CDK14: variants seen among roughly 807,000 people sequenced by gnomAD.
The protein encoded by CDK14 is cyclin dependent kinase 14.
CDK14 carries 34 observed loss-of-function variants against 60.7 expected under a neutral mutation model. The observed-to-expected ratio is 0.56, with a 90% CI of 0.43 to 0.75. CDK14 has a LOEUF of 0.75. CDK14 is among the 30% of genes least tolerant of loss of function. The pLI is 0.00. For synonymous variants in CDK14, 197 were observed against 203.7 expected (o/e 0.97, Z 0.28); for missense variants, 482 against 564.1 (o/e 0.85, Z 1.47).
Position 90,807,237 on chromosome 7 carries a change from C to T in CDK14, c.544+16585C>T, listed in dbSNP as rs566760682. On this transcript the variant is annotated intron_variant, in intron 5 of 14. Coordinates refer to ENST00000380050, the MANE Select transcript of CDK14 (RefSeq NM_001287135.2). ...CCACCCAGTAGGGGCAGACTGACACCTCACATGGCCAGTTACTCCTCTGAG... is the reference window on the plus strand; with the variant it reads ...CCACCCAGTAGGGGCAGACTGACACTTCACATGGCCAGTTACTCCTCTGAG... Among the ~76,000 whole-genome samples, 30 of 152,190 alleles carry T rather than the reference C, an allele frequency of 2.0e-4. 1 individual carries two copies. The highest frequency in any genetic ancestry group is 3.7e-4 in the Non-Finnish European group (25 of 68,034).
At chr7:90,599,765 T>C (rs529748792) in intron 1 of CDK14, among the ~76,000 whole-genome samples, 1 of 152,384 alleles carries the variant, frequency 6.6e-6, no homozygotes, top group South Asian at 2.1e-4. Context: ...TTTATTTTGC[T>C]GCTTTAGTAT....
intron 12 of CDK14, among the ~76,000 whole-genome samples, chr7:91,083,449 A>C (rs972615442): frequency 5.3e-5 from 8 of 152,176 alleles, no homozygotes; most frequent in Non-Finnish European, 1.0e-4. Flanking sequence ...ATATGCAGAC[A>C]GTCCAATCCA....
At chr7:90,835,731 C>T (rs2117125976) in intron 5 of CDK14, among the ~76,000 whole-genome samples, 1 of 152,192 alleles carries the variant, frequency 6.6e-6, no homozygotes, top group Non-Finnish European at 1.5e-5. Context: ...TATATTAAGT[C>T]CTGCATCACT....
chr7:90,635,850 G>A (rs17868560), intron 2 of CDK14, among the ~76,000 whole-genome samples: 45,321 of 149,648 alleles, frequency 0.3, 7,632 homozygotes, highest in East Asian at 0.67. Context: ...GGTCCTTCAC[G>A]TCCCTTGTAA....
At chr7:91,122,671 T>C (rs1450918413) in intron 14 of CDK14, among the ~76,000 whole-genome samples, 1 of 152,246 alleles carries the variant, frequency 6.6e-6, no homozygotes, top group Non-Finnish European at 1.5e-5. Flanking sequence ...GGGCTTCTGC[T>C]GACTTGTTTC....
intron 14 of CDK14, among the ~76,000 whole-genome samples, chr7:91,125,458 A>G (rs1385446187): frequency 6.6e-6 from 1 of 152,182 alleles, no homozygotes; most frequent in Non-Finnish European, 1.5e-5. Flanking sequence ...AAGAGCATCA[A>G]ATTGGTTGTG....
At chr7:90,911,115 AG>A (rs1190842913) in intron 7 of CDK14, among the ~76,000 whole-genome samples, 19 of 152,302 alleles carry the variant, frequency 1.2e-4, no homozygotes, top group Middle Eastern at 6.8e-3. Context: ...AAATAGGGAT[AG>A]TAACATCTAC....
chr7:90,863,910 C>G (rs113480258), intron 6 of CDK14, among the ~76,000 whole-genome samples: 87 of 152,196 alleles, frequency 5.7e-4, no homozygotes, highest in African/African-American at 1.9e-3. Context: ...TTGTGTAGCA[C>G]TACTTCAGCA....
chr7:90,647,812 C>T lies in CDK14; in HGVS notation c.123+43563C>T, dbSNP rs1021643429. On this transcript the variant is annotated intron_variant, in intron 2 of 14. Transcript: ENST00000380050. ...TCGAGGCTGCAGTGAGCTATGGTTG[C>T]ACCACTGCACTCCAGCCTGGACAAC... 5.3e-5 allele frequency among the ~76,000 whole-genome samples: 8 copies of T among 152,124 alleles called. 2 individuals carry two copies. Among genetic ancestry groups the T allele is most frequent in the African/African-American group, 1.7e-4 (7 of 41,504 alleles).
At chr7:91,180,679 GTC>G (rs1801973749) in intron 14 of CDK14, among the ~76,000 whole-genome samples, 3 of 152,144 alleles carry the variant, frequency 2.0e-5, no homozygotes, top group Admixed American at 1.3e-4. Flanking sequence ...GTAGATGAGG[GTC>G]TCTCCACGAG....
chr7:91,035,418 C>A (rs1796897256), intron 10 of CDK14, among the ~76,000 whole-genome samples: 1 of 152,212 alleles, frequency 6.6e-6, no homozygotes, highest in Admixed American at 6.5e-5. Flanking sequence ...ATATCAATAT[C>A]TTTACCCCAT....
chr7:90,737,541 C>T (rs928144192), intron 3 of CDK14, among the ~76,000 whole-genome samples: 1 of 152,182 alleles, frequency 6.6e-6, no homozygotes, highest in African/African-American at 2.4e-5. Context: ...GAACCAAGCC[C>T]CCTTGACAGG....
At position 90,613,325 on chromosome 7, in the gene CDK14, T is replaced by G. The variant is rs564905178; in HGVS notation, c.123+9076T>G. On this transcript the variant is annotated intron_variant, in intron 2 of 14. Coordinates refer to ENST00000380050, the MANE Select transcript of CDK14 (RefSeq NM_001287135.2). ...CACCCTGCATCCTGGTGGCAGGCTG[T>G]ATAGCCTGTAGGAAGTCTCTGCTGT... 2.6e-5 allele frequency among the ~76,000 whole-genome samples: 4 copies of G among 152,350 alleles called. No homozygotes were observed. In the East Asian group the frequency reaches 7.7e-4, roughly 29 times the overall value.
chr7:90,874,573 C>A (rs1791490838), intron 6 of CDK14, among the ~76,000 whole-genome samples: 2 of 124,472 alleles, frequency 1.6e-5, no homozygotes, highest in African/African-American at 6.1e-5. Context: ...CCAGGCCGGA[C>A]TGCGGACTGC....
chr7:91,071,660 C>T (rs1024716777), intron 11 of CDK14, among the ~76,000 whole-genome samples: 12 of 152,318 alleles, frequency 7.9e-5, no homozygotes, highest in African/African-American at 2.2e-4. Flanking sequence ...GTGGGAGGGC[C>T]GGCCATCACC....
Position 91,015,652 on chromosome 7 carries a change from C to T in CDK14, c.1042-30245C>T, listed in dbSNP as rs558367921. 2.0e-4 allele frequency among the ~76,000 whole-genome samples: 30 copies of T among 151,198 alleles called. No individual in the cohort carries two copies. The South Asian group carries it at 3.4e-3, about 17-fold the overall frequency. On this transcript the variant is annotated intron_variant, in intron 10 of 14. Transcript: ENST00000380050. The stretch of plus-strand genomic sequence containing the variant: ...AAGCCATTCTCCTGCTTCAGCCTCC[C>T]GAGTAACTGGGACTACAGGCACCCG...
chr7:90,951,795 G>T (rs1794270811), intron 8 of CDK14, among the ~76,000 whole-genome samples: 1 of 152,156 alleles, frequency 6.6e-6, no homozygotes, highest in Non-Finnish European at 1.5e-5. Flanking sequence ...TGTATTCTCT[G>T]TATTAATTCT....
At chr7:90,847,873 C>T (rs984468180) in intron 5 of CDK14, among the ~76,000 whole-genome samples, 4 of 152,080 alleles carry the variant, frequency 2.6e-5, no homozygotes, top group South Asian at 2.1e-4. Flanking sequence ...TCAAGGGCTA[C>T]GAAAAATGTA....
chr7:90,683,209 C>G (rs1801355970), intron 2 of CDK14, among the ~76,000 whole-genome samples: 1 of 152,078 alleles, frequency 6.6e-6, no homozygotes, highest in Non-Finnish European at 1.5e-5. Context: ...GCAAGATCCC[C>G]TATATTTTCT....
Sources: allele counts gnomAD v4.1 joint callset (sites outside exome capture counted in the v4.1 genomes callset), GRCh38; gene constraint gnomAD v4.1.1; transcripts MANE v1.5; gene names NCBI Gene and HGNC (gene_info 2026-07-23, HGNC 2026-07-21).